DYNC1H1: variants seen among roughly 807,000 people sequenced by gnomAD.
The protein encoded by DYNC1H1 is dynein cytoplasmic 1 heavy chain 1.
In DYNC1H1, 51 loss-of-function variants were observed where a neutral mutation model predicts 527.1. That is an observed-to-expected ratio of 0.10 (90% CI 0.08 to 0.12). The LOEUF (loss-of-function observed/expected upper bound fraction) is 0.12. Ranked by LOEUF, DYNC1H1 falls within the 10% of genes least tolerant of loss-of-function variation. The pLI, the probability that DYNC1H1 is intolerant of heterozygous loss-of-function variation, is 1.00. For synonymous variants in DYNC1H1, 2,189 were observed against 2,278.8 expected (o/e 0.96, Z 1.12); for missense variants, 2,771 against 5,971.8 (o/e 0.46, Z 17.66).
chr14:102,017,842 T>TA lies in DYNC1H1; in HGVS notation c.8177+339dup, dbSNP rs2048342296. On this transcript the variant is annotated intron_variant, in intron 40 of 77. Transcript: ENST00000360184. The surrounding 1 kb of genome is among the most constrained non-coding windows in gnomAD (Gnocchi z 4.6). ...AAAATTAAGGCCGGGCGTGGTGGCT[T>TA]ACGCCTGTAATCCCAGCACTTTGGG... 1 of 365,838 alleles carries TA rather than the reference T, an allele frequency of 2.7e-6. No individual in the cohort carries two copies. The highest frequency in any genetic ancestry group is 2.1e-5 in the African/African-American group (1 of 47,126). The allele number at this position is 365,838 out of a possible 1,614,324, so 22.7% of individuals were successfully genotyped here. A position where few individuals can be genotyped will look rare whatever the true frequency, so the allele number is the denominator to read the frequency against.
rs1310080230 is a variant in DYNC1H1 at position 101,983,315 on chromosome 14, C to T, written c.1233+25C>T. On this transcript the variant is annotated intron_variant, in intron 6 of 77. Coordinates refer to ENST00000360184, the MANE Select transcript of DYNC1H1 (RefSeq NM_001376.5). This position sits in a 1 kb window ranked among gnomAD's most constrained non-coding sequence, Gnocchi z 5.3. ...AGTAAGTTTGAATATATAAGACAAC[C>T]AACCTCAAGACATTGAGATGAAAAT... The T allele has an allele frequency of 4.3e-6, 7 of 1,613,946 alleles. No individual in the cohort carries two copies. The highest frequency in any genetic ancestry group is 5.9e-6 in the Non-Finnish European group (7 of 1,179,990).
At position 102,052,250 on chromosome 14, in the gene DYNC1H1, C is replaced by CAGCCTTCT. The variant is rs1384249064; in HGVS notation, c.*1688_*1695dup. 2.0e-5 allele frequency: 3 copies of CAGCCTTCT among 152,544 alleles called. No homozygotes were observed. Among genetic ancestry groups the CAGCCTTCT allele is most frequent in the African/African-American group, 4.8e-5 (2 of 41,460 alleles). 9.4% of individuals were successfully genotyped at this position (152,544 alleles called of 1,614,324 possible). A position where few individuals can be genotyped will look rare whatever the true frequency, so the allele number is the denominator to read the frequency against. ...CCGGGCTCAAGTGATCCTCCCACCTCAGCCTTCTGAGCAGCTGGGACCACA... is the reference window on the plus strand; with the variant it reads ...CCGGGCTCAAGTGATCCTCCCACCTCAGCCTTCTAGCCTTCTGAGCAGCTGGGACCACA... On this transcript the variant is annotated 3_prime_UTR_variant, in exon 78 of 78. Transcript: ENST00000360184.
Position 102,015,402 on chromosome 14 carries a change from G to T in DYNC1H1, c.7242+70G>T. ...GGATATTCAGATGTGGTCTCGCTGT[G>T]TTGCCCACGCTGGTCTTGAACTCCT... On this transcript the variant is annotated intron_variant, in intron 35 of 77. Transcript: ENST00000360184. The surrounding 1 kb of genome is among the most constrained non-coding windows in gnomAD (Gnocchi z 6.9). 1 of 1,498,120 alleles carries T rather than the reference G, an allele frequency of 6.7e-7. No individual in the cohort carries two copies. Among genetic ancestry groups the T allele is most frequent in the Non-Finnish European group, 9.0e-7 (1 of 1,110,006 alleles). The allele number at this position is 1,498,120 out of a possible 1,614,324, so 92.8% of individuals were successfully genotyped here.
chr14:102,047,609 G>GTA lies in DYNC1H1; in HGVS notation c.13007-201_13007-200dup. The GTA allele has an allele frequency of 5.1e-6, 2 of 392,162 alleles. 1 individual carries two copies. The highest frequency in any genetic ancestry group is 5.7e-5 in the South Asian group (2 of 35,278). The allele number at this position is 392,162 out of a possible 1,614,324, so 24.3% of individuals were successfully genotyped here. ...TACGTATATATATATACACATATATGTATATATACACGTGTGTGTGTGTGT... is the reference window on the plus strand; with the variant it reads ...TACGTATATATATATACACATATATGTATATATATACACGTGTGTGTGTGTGT... On this transcript the variant is annotated intron_variant, in intron 72 of 77. Transcript: ENST00000360184.
At chr14:102,003,988 T>A (rs2048164245) in intron 23 of DYNC1H1, among the ~76,000 whole-genome samples, 1 of 151,664 alleles carries the variant, frequency 6.6e-6, no homozygotes, top group South Asian at 2.1e-4. Context: ...ACGCCTGTAA[T>A]CCCAGCACTT....
intron 16 of DYNC1H1, among the ~76,000 whole-genome samples, chr14:101,999,007 G>A (rs1221959576): frequency 6.8e-6 from 1 of 146,366 alleles, no homozygotes; most frequent in African/African-American, 2.6e-5. Flanking sequence ...TCAGCCTCCC[G>A]AGTAGCTGGG....
Position 101,985,633 on chromosome 14 carries a change from T to C in DYNC1H1, c.1462-54T>C. 6.2e-7 allele frequency: 1 copy of C among 1,601,286 alleles called. No individual in the cohort carries two copies. ...GCCACTGCACCCGGCTTAAAATAAA[T>C]TTTAAAGCCTTCGTTTGGTCAGCAT... On this transcript the variant is annotated intron_variant, in intron 7 of 77. Coordinates refer to ENST00000360184, the MANE Select transcript of DYNC1H1 (RefSeq NM_001376.5). This position sits in a 1 kb window ranked among gnomAD's most constrained non-coding sequence, Gnocchi z 5.9.
At position 101,985,947 on chromosome 14, in the gene DYNC1H1, A is replaced by G; in HGVS notation, c.1722A>G (p.Thr574=). The change falls in exon 8 of 78, where the codon ACA becomes ACG. Residue 574 remains threonine, a synonymous_variant. Coordinates refer to ENST00000360184, the MANE Select transcript of DYNC1H1 (RefSeq NM_001376.5). The surrounding 1 kb of genome is among the most constrained non-coding windows in gnomAD (Gnocchi z 5.9). The part of the protein sequence containing the change: ...ITARLRDQLG[T]AKNANEMFRI... Reference sequence around the variant, plus strand: ...CTCGCCTTCGGGATCAGCTTGGCACAGCCAAGAATGCCAACGAGATGTTTA... The same window carrying G: ...CTCGCCTTCGGGATCAGCTTGGCACGGCCAAGAATGCCAACGAGATGTTTA... 6.2e-7 allele frequency: 1 copy of G among 1,614,240 alleles called. No individual in the cohort carries two copies. Among genetic ancestry groups the G allele is most frequent in the African/African-American group, 1.3e-5 (1 of 75,066 alleles).
chr14:102,009,416 G>A (rs977370147), intron 29 of DYNC1H1: 1 of 217,324 alleles, frequency 4.6e-6, no homozygotes, highest in South Asian at 6.9e-5. Flanking sequence ...GCTCAGAGGT[G>A]CTTGGAGGTT....
At chr14:102,046,157 G>T (rs1595634654) in intron 72 of DYNC1H1, among the ~76,000 whole-genome samples, 1 of 149,582 alleles carries the variant, frequency 6.7e-6, no homozygotes, top group Admixed American at 6.7e-5. Context: ...GACAGAGCAA[G>T]ACTTTGTCTC....
chr14:102,043,458 C>A (rs1213466393), intron 69 of DYNC1H1: 2 of 324,706 alleles, frequency 6.2e-6, no homozygotes, highest in African/African-American at 4.3e-5. Flanking sequence ...GTTGTGTCCC[C>A]AGGTGGCAGG....
rs2048326425 is a variant in DYNC1H1 at position 102,016,645 on chromosome 14, G to A, written c.7615-121G>A. 117 of 1,540,618 alleles carry A rather than the reference G, an allele frequency of 7.6e-5. No individual in the cohort carries two copies. The South Asian group carries it at 1.3e-3, about 17-fold the overall frequency. ...TTAGTTCCATGTGTTAGCAAAGAGT[G>A]CAGATTAACCTGACCAATTACTTCC... On this transcript the variant is annotated intron_variant, in intron 37 of 77. Coordinates refer to ENST00000360184, the MANE Select transcript of DYNC1H1 (RefSeq NM_001376.5). This position sits in a 1 kb window ranked among gnomAD's most constrained non-coding sequence, Gnocchi z 7.3.
intron 1 of DYNC1H1, among the ~76,000 whole-genome samples, chr14:101,967,763 G>A (rs563662563): frequency 7.9e-5 from 12 of 152,118 alleles, no homozygotes; most frequent in African/African-American, 2.9e-4. Context: ...GGAGTTTGAC[G>A]CTGTGGTGAA....
At position 102,054,149 on chromosome 14, in the gene DYNC1H1, C is replaced by T. The variant is rs1422593526; in HGVS notation, c.*3586C>T. 1.3e-5 allele frequency: 2 copies of T among 152,258 alleles called. No homozygotes were observed. The highest frequency in any genetic ancestry group is 2.4e-5 in the African/African-American group (1 of 41,442). 9.4% of individuals were successfully genotyped at this position (152,258 alleles called of 1,614,324 possible). ...CTGAGCCTTGTTCCCAGAAAGCCCT[C>T]AACGCAGTGCTGGGCACAGACCTGG... On this transcript the variant is annotated 3_prime_UTR_variant, in exon 78 of 78. Coordinates refer to ENST00000360184, the MANE Select transcript of DYNC1H1 (RefSeq NM_001376.5).
In DYNC1H1 at chr14:102,011,051, A is replaced by G. The variant is rs1191797698; in HGVS notation, c.6618+99A>G. On this transcript the variant is annotated intron_variant, in intron 32 of 77. Transcript: ENST00000360184. This position sits in a 1 kb window ranked among gnomAD's most constrained non-coding sequence, Gnocchi z 5.3. ...GGGCCCTTCGATGAAACTGTCCACA[A>G]AGGCTGTGGAGGTGCATAATATGCT... 5.5e-6 allele frequency: 7 copies of G among 1,273,182 alleles called. No individual in the cohort carries two copies. The highest frequency in any genetic ancestry group is 5.2e-5 in the Admixed American group (3 of 58,094). 78.9% of individuals were successfully genotyped at this position (1,273,182 alleles called of 1,614,324 possible). A position where few individuals can be genotyped will look rare whatever the true frequency, so the allele number is the denominator to read the frequency against.
At position 102,009,126 on chromosome 14, in the gene DYNC1H1, G is replaced by A. The variant is rs557357857; in HGVS notation, c.5978-717G>A. 1.8e-3 allele frequency among the ~76,000 whole-genome samples: 274 copies of A among 152,306 alleles called. 1 individual carries two copies. Among genetic ancestry groups the A allele is most frequent in the African/African-American group, 6.3e-3 (263 of 41,572 alleles). On this transcript the variant is annotated intron_variant, in intron 29 of 77. Transcript: ENST00000360184. ...GGAGCAGCTGTCGGAGAGGCCCCAG[G>A]GACCACTTCCCTTCCCAGTTCAACA... is the stretch of plus-strand genomic sequence containing the variant.
Position 101,964,599 on chromosome 14 carries a change from C to A in DYNC1H1, c.-93C>A, listed in dbSNP as rs17540561. 46 of 1,528,526 alleles carry A rather than the reference C, an allele frequency of 3.0e-5. No homozygotes were observed. The Admixed American group carries it at 8.1e-4, about 27-fold the overall frequency. The allele number at this position is 1,528,526 out of a possible 1,614,324, so 94.7% of individuals were successfully genotyped here. On this transcript the variant is annotated 5_prime_UTR_variant, in exon 1 of 78. Coordinates refer to ENST00000360184, the MANE Select transcript of DYNC1H1 (RefSeq NM_001376.5). This position sits in a 1 kb window ranked among gnomAD's most constrained non-coding sequence, Gnocchi z 5.5. ...GTCTGCGGTGGGCTAGCGGACGGTCCGGCTTCCGGCGGCCGTTTCTGTCTC... is the reference window on the plus strand; with the variant it reads ...GTCTGCGGTGGGCTAGCGGACGGTCAGGCTTCCGGCGGCCGTTTCTGTCTC...
Position 102,011,834 on chromosome 14 carries a change from C to T in DYNC1H1, c.6619-41C>T. On this transcript the variant is annotated intron_variant, in intron 32 of 77. Coordinates refer to ENST00000360184, the MANE Select transcript of DYNC1H1 (RefSeq NM_001376.5). This position sits in a 1 kb window ranked among gnomAD's most constrained non-coding sequence, Gnocchi z 5.3. ...TGGGCGAGGAGCTGTCCCCATTCCT[C>T]CTCTGGGATGGTCACTGTGCTGGTC... 2 of 1,605,828 alleles carry T rather than the reference C, an allele frequency of 1.2e-6. No homozygotes were observed. The highest frequency in any genetic ancestry group is 1.7e-6 in the Non-Finnish European group (2 of 1,172,736).
At chr14:101,990,553 TAGAG>T (rs1315496094) in intron 10 of DYNC1H1, among the ~76,000 whole-genome samples, 2 of 152,226 alleles carry the variant, frequency 1.3e-5, no homozygotes, top group South Asian at 2.1e-4. Context: ...TTTAGTAATT[TAGAG>T]AGAGAAAGTG....
Sources: allele counts gnomAD v4.1 joint callset (sites outside exome capture counted in the v4.1 genomes callset), GRCh38; gene constraint gnomAD v4.1.1; non-coding constraint Gnocchi (gnomAD v3.1); transcripts MANE v1.5; gene names NCBI Gene and HGNC (gene_info 2026-07-23, HGNC 2026-07-21).